GNA14: variants seen among roughly 807,000 people sequenced by gnomAD.
The protein encoded by GNA14 is G protein subunit alpha 14.
A neutral mutation model predicts 42.0 loss-of-function variants in GNA14; 50 were observed. The observed-to-expected ratio is 1.19, with a 90% CI of 0.95 to 1.51. The LOEUF (loss-of-function observed/expected upper bound fraction) is 1.51, where lower values mean the gene tolerates loss of function less well. GNA14 is among the 40% of genes most tolerant of loss of function. The pLI is 0.00. For synonymous variants in GNA14, 173 were observed against 163.1 expected, an observed-to-expected ratio of 1.06 and a Z score of -0.46; for missense variants, 473 against 446.2, an observed-to-expected ratio of 1.06 and a Z score of -0.54.
chr9:77,584,512 C>T (rs921533495), intron 1 of GNA14, among the ~76,000 whole-genome samples: 3 of 151,124 alleles, frequency 2.0e-5, no homozygotes, highest in Non-Finnish European at 4.4e-5. Flanking sequence ...GACTTACCCC[C>T]CACCCCCCAC....
chr9:77,453,550 A>G (rs1199860788), intron 2 of GNA14, among the ~76,000 whole-genome samples: 1 of 152,258 alleles, frequency 6.6e-6, no homozygotes, highest in Non-Finnish European at 1.5e-5. Flanking sequence ...CATTAACAAA[A>G]TGCAACAGTT....
At chr9:77,434,291 C>T in intron 3 of GNA14, 77 bp downstream of exon 3, 1 of 1,352,300 alleles carries the variant, frequency 7.4e-7, no homozygotes, top group Non-Finnish European at 1.0e-6. Flanking sequence ...CAGCAGCGTT[C>T]AGCGAGAAAC....
At chr9:77,576,262 G>A (rs1040426370) in intron 1 of GNA14, among the ~76,000 whole-genome samples, 1 of 152,146 alleles carries the variant, frequency 6.6e-6, no homozygotes, top group African/African-American at 2.4e-5. Context: ...TGTTTGTCCA[G>A]TGATCGGATA....
At position 77,489,929 on chromosome 9, in the gene GNA14, G is replaced by GC. The variant is rs547199479; in HGVS notation, c.309+39139_309+39140insG. On this transcript the variant is annotated intron_variant, in intron 2 of 6. Transcript: ENST00000341700. ...CGGAGCAGGTTGCCACTGGCAGCCT[G>GC]TTTTTATTCTTATCTGGCCCCGCCC... is the stretch of plus-strand genomic sequence containing the variant. Among the ~76,000 whole-genome samples, 574 of 152,254 alleles carry GC rather than the reference G, an allele frequency of 3.8e-3. 1 individual carries two copies. The highest frequency in any genetic ancestry group is 0.014 in the Middle Eastern group (4 of 294).
intron 1 of GNA14, among the ~76,000 whole-genome samples, chr9:77,623,023 T>C (rs1823953380): frequency 6.6e-6 from 1 of 151,078 alleles, no homozygotes; most frequent in African/African-American, 2.4e-5. Context: ...AAGACCAGCC[T>C]GGCCAACATG....
intron 1 of GNA14, among the ~76,000 whole-genome samples, chr9:77,644,435 G>GTC (rs1824319560): frequency 1.7e-5 from 1 of 59,026 alleles, no homozygotes; most frequent in Non-Finnish European, 2.4e-5. Context: ...CCTAAAGAGT[G>GTC]TCAAAAAAAA....
chr9:77,464,692 C>T (rs547698057), intron 2 of GNA14, among the ~76,000 whole-genome samples: 5 of 152,140 alleles, frequency 3.3e-5, no homozygotes, highest in South Asian at 2.1e-4. Flanking sequence ...AGAAAACCGC[C>T]GTACCTATTA....
intron 1 of GNA14, among the ~76,000 whole-genome samples, chr9:77,557,922 A>G (rs572355126): frequency 1.8e-4 from 28 of 152,322 alleles, no homozygotes; most frequent in African/African-American, 5.5e-4. Context: ...CATTTTGCCA[A>G]CAAGTTCAGA....
At chr9:77,537,964 G>C (rs372627334) in intron 1 of GNA14, among the ~76,000 whole-genome samples, 12 of 151,784 alleles carry the variant, frequency 7.9e-5, no homozygotes, top group East Asian at 7.7e-4. Flanking sequence ...GTATATTCTG[G>C]ATATTAATCC....
chr9:77,591,804 C>G (rs577559211), intron 1 of GNA14, among the ~76,000 whole-genome samples: 6 of 152,282 alleles, frequency 3.9e-5, no homozygotes, highest in African/African-American at 1.4e-4. Flanking sequence ...TCAAGATCCT[C>G]TGACCTGCTT....
chr9:77,567,848 C>A (rs556332660), intron 1 of GNA14, among the ~76,000 whole-genome samples: 2 of 152,278 alleles, frequency 1.3e-5, no homozygotes, highest in East Asian at 3.9e-4. Flanking sequence ...GCCTGGGTGA[C>A]AGAGAGAGAC....
intron 2 of GNA14, among the ~76,000 whole-genome samples, chr9:77,445,613 C>T (rs182307325): frequency 3.3e-5 from 5 of 150,268 alleles, no homozygotes; most frequent in East Asian, 3.9e-4. Flanking sequence ...CATGGTGGTA[C>T]GCGCCTGTAG....
At chr9:77,576,932 C>A (rs761176264) in intron 1 of GNA14, among the ~76,000 whole-genome samples, 10 of 152,074 alleles carry the variant, frequency 6.6e-5, no homozygotes, top group Admixed American at 5.2e-4. Flanking sequence ...TATTTGAACC[C>A]CACCTTATCA....
intron 2 of GNA14, among the ~76,000 whole-genome samples, chr9:77,468,203 T>C (rs1273046482): frequency 2.0e-5 from 3 of 152,216 alleles, no homozygotes; most frequent in Non-Finnish European, 4.4e-5. Flanking sequence ...GAATGAGTCA[T>C]GGCTCAAATG....
chr9:77,474,677 T>C (rs1200591425), intron 2 of GNA14, among the ~76,000 whole-genome samples: 1 of 152,168 alleles, frequency 6.6e-6, no homozygotes, highest in Non-Finnish European at 1.5e-5. Context: ...GACAAATGTC[T>C]ACACAAAAAC....
intron 1 of GNA14, among the ~76,000 whole-genome samples, chr9:77,633,701 G>A (rs1348423339): frequency 3.3e-5 from 5 of 151,626 alleles, no homozygotes; most frequent in African/African-American, 4.9e-5. Flanking sequence ...AGATTTTGGT[G>A]AGCTGTCTGG....
intron 1 of GNA14, among the ~76,000 whole-genome samples, chr9:77,624,918 C>G (rs567669804): frequency 6.6e-6 from 1 of 151,688 alleles, no homozygotes; most frequent in Non-Finnish European, 1.5e-5. Flanking sequence ...ACGAATTGAC[C>G]GAAGTAGGCT....
At chr9:77,454,072 C>T (rs1291466895) in intron 2 of GNA14, among the ~76,000 whole-genome samples, 4 of 152,212 alleles carry the variant, frequency 2.6e-5, no homozygotes, top group Admixed American at 6.5e-5. Context: ...GTGCAGCATC[C>T]GATCTCTTCA....
intron 1 of GNA14, among the ~76,000 whole-genome samples, chr9:77,585,722 C>T (rs1823292086): frequency 6.6e-6 from 1 of 152,200 alleles, no homozygotes; most frequent in Non-Finnish European, 1.5e-5. Context: ...CCTCCCTTTT[C>T]TCAGATAGTA....
Sources: gnomAD v4.1 joint callset for allele counts (sites outside exome capture counted in the v4.1 genomes callset) on GRCh38, gnomAD v4.1.1 for gene constraint, MANE v1.5 for transcripts, NCBI Gene and HGNC (gene_info 2026-07-23, HGNC 2026-07-21) for gene names.